The following OCA2 variants were observed in gnomAD, a reference collection of about 807,000 sequenced individuals.
OCA2 encodes P protein.
A neutral mutation model predicts 100.2 loss-of-function variants in OCA2; 77 were observed. That is an observed-to-expected ratio of 0.77 (90% CI 0.64 to 0.93). The LOEUF (loss-of-function observed/expected upper bound fraction) is 0.93, where lower values mean the gene tolerates loss of function less well. Ranked by LOEUF, OCA2 falls within the 40% of genes least tolerant of loss-of-function variation. The pLI is 0.00. For synonymous variants in OCA2, 432 were observed against 439.2 expected, an observed-to-expected ratio of 0.98 and a Z score of 0.21; for missense variants, 1,062 against 1,089.1, an observed-to-expected ratio of 0.98 and a Z score of 0.35.
chr15:27,950,467 A>C, intron 18 of OCA2: 1 of 481,644 alleles, frequency 2.1e-6, no homozygotes, highest in Non-Finnish European at 4.1e-6. Context: ...AATCGTTACC[A>C]CTCCAGCTTT....
At chr15:28,026,595 A>ATCCC (rs1378959418) in intron 4 of OCA2, among the ~76,000 whole-genome samples, 2 of 152,194 alleles carry the variant, frequency 1.3e-5, no homozygotes, top group South Asian at 4.1e-4. Flanking sequence ...CTAGGGTCGA[A>ATCCC]TCCCTGCCCC....
intron 23 of OCA2, among the ~76,000 whole-genome samples, chr15:27,757,932 A>G (rs2030516137): frequency 6.6e-6 from 1 of 152,206 alleles, no homozygotes; most frequent in South Asian, 2.1e-4. Context: ...TGATACAAAT[A>G]CATAAGGGTT....
intron 23 of OCA2, among the ~76,000 whole-genome samples, chr15:27,805,756 AGACCCT>A (rs1018430889): frequency 1.1e-4 from 16 of 152,112 alleles, no homozygotes; most frequent in African/African-American, 3.9e-4. Flanking sequence ...TGCCTGGAGA[AGACCCT>A]CCGCGCCCCC....
intron 21 of OCA2, among the ~76,000 whole-genome samples, chr15:27,866,353 TGGTCTGGCAGGA>T (rs2036323590): frequency 1.3e-5 from 2 of 151,634 alleles, no homozygotes; most frequent in Non-Finnish European, 3.0e-5. Context: ...GAGTGGCAGG[TGGTCTGGCAGGA>T]GGGAGGTGCA....
chr15:27,826,716 C>A (rs994422785), intron 23 of OCA2, among the ~76,000 whole-genome samples: 2 of 152,168 alleles, frequency 1.3e-5, no homozygotes, highest in African/African-American at 4.8e-5. Context: ...GGTGGCAAGG[C>A]CAGTGGGCAG....
chr15:27,947,185 C>A (rs1035225857), intron 18 of OCA2, among the ~76,000 whole-genome samples: 1 of 152,236 alleles, frequency 6.6e-6, no homozygotes. Context: ...TTTGCCTTTT[C>A]TCCTATTACT....
chr15:28,065,342 C>G (rs766429060), intron 2 of OCA2, among the ~76,000 whole-genome samples: 4 of 152,110 alleles, frequency 2.6e-5, no homozygotes, highest in Non-Finnish European at 5.9e-5. Flanking sequence ...GCTTTTGCAC[C>G]TAGGTTTTAG....
chr15:27,926,026 A>G (rs2039028856), intron 19 of OCA2, 101 bp downstream of exon 19: 1 of 1,365,308 alleles, frequency 7.3e-7, no homozygotes, highest in Non-Finnish European at 1.0e-6. Flanking sequence ...TAGAGAATAT[A>G]AGGAAAGATT....
At chr15:27,988,198 G>A (rs1451093102) in intron 11 of OCA2, among the ~76,000 whole-genome samples, 2 of 151,794 alleles carry the variant, frequency 1.3e-5, no homozygotes, top group Non-Finnish European at 2.9e-5. Context: ...GGGGAGAAGA[G>A]GCAGGGACCT....
At chr15:27,836,741 A>C (rs929306617) in intron 23 of OCA2, among the ~76,000 whole-genome samples, 2 of 152,254 alleles carry the variant, frequency 1.3e-5, no homozygotes, top group African/African-American at 4.8e-5. Flanking sequence ...GTTTACTGTT[A>C]GTCAATGGTA....
intron 2 of OCA2, among the ~76,000 whole-genome samples, chr15:28,064,699 C>G (rs2043971383): frequency 6.7e-6 from 1 of 149,814 alleles, no homozygotes; most frequent in Non-Finnish European, 1.5e-5. Flanking sequence ...TTTATTTGTC[C>G]TTCTTTTTCC....
the OCA2 span, among the ~76,000 whole-genome samples, chr15:27,749,327 A>G: frequency 2.6e-5 from 4 of 152,220 alleles, no homozygotes; most frequent in Non-Finnish European, 5.9e-5. Context: ...TCAAGGGCTG[A>G]AAGAAAAGAA....
At chr15:28,098,157 A>G (rs1055971302) in intron 1 of OCA2, among the ~76,000 whole-genome samples, 1 of 152,240 alleles carries the variant, frequency 6.6e-6, no homozygotes. Context: ...TTAGGGACTT[A>G]TGATCCTAAA....
the OCA2 span, among the ~76,000 whole-genome samples, chr15:27,730,732 A>AATATATATATATAT: frequency 2.2e-4 from 22 of 101,992 alleles, no homozygotes; most frequent in Admixed American, 8.9e-4. Context: ...AAAAAGACCA[A>AATATATATATATAT]ATATATATAT....
intron 9 of OCA2, among the ~76,000 whole-genome samples, chr15:27,994,303 G>C (rs2041652465): frequency 6.6e-6 from 1 of 152,092 alleles, no homozygotes; most frequent in Non-Finnish European, 1.5e-5. Flanking sequence ...GATCTGAGGT[G>C]GAACAGTTTC....
At chr15:27,980,658 T>G (rs906607618) in intron 14 of OCA2, among the ~76,000 whole-genome samples, 2 of 152,214 alleles carry the variant, frequency 1.3e-5, no homozygotes, top group Non-Finnish European at 2.9e-5. Context: ...GGGTGTAGTA[T>G]TCTGAGATCA....
At chr15:28,070,591 G>A (rs1218132922) in intron 2 of OCA2, among the ~76,000 whole-genome samples, 7 of 143,348 alleles carry the variant, frequency 4.9e-5, no homozygotes, top group East Asian at 2.2e-4. Flanking sequence ...GGTGAGGGGC[G>A]CCTCTGCCCG....
the OCA2 span, among the ~76,000 whole-genome samples, chr15:27,732,289 C>T: frequency 6.6e-6 from 1 of 152,198 alleles, no homozygotes; most frequent in East Asian, 1.9e-4. Context: ...ACCAAAAACA[C>T]ACTAATGGTG....
At chr15:27,933,048 T>C (rs1017268585) in intron 18 of OCA2, among the ~76,000 whole-genome samples, 2 of 152,072 alleles carry the variant, frequency 1.3e-5, no homozygotes, top group African/African-American at 2.4e-5. Flanking sequence ...GGTCAAATGA[T>C]CTTTGATGAG....
Sources: allele counts gnomAD v4.1 joint callset (sites outside exome capture counted in the v4.1 genomes callset), GRCh38; gene constraint gnomAD v4.1.1; transcripts MANE v1.5; gene names NCBI Gene and HGNC (gene_info 2026-07-23, HGNC 2026-07-21).